The following FOXP1 variants were observed in gnomAD, a reference collection of about 807,000 sequenced individuals.
The protein encoded by FOXP1 is forkhead box P1, also known as forkhead box protein P1.
Under a neutral mutation model 98.2 loss-of-function variants are expected in FOXP1, and 15 were observed. The ratio of observed to expected loss-of-function variants is 0.15; its 90% CI spans 0.10 to 0.24. The LOEUF is 0.24. Ranked by LOEUF, FOXP1 falls within the 10% of genes least tolerant of loss-of-function variation. The probability of loss-of-function intolerance (pLI) is 1.00; values close to 1 mark genes in which losing one functional copy is unlikely to be tolerated. For missense variants in FOXP1, 633 were observed against 848.5 expected, an observed-to-expected ratio of 0.75 and a Z score of 3.15; for synonymous variants, 371 against 314.5, an observed-to-expected ratio of 1.18 and a Z score of -1.90.
chr3:71,332,916 A>G (rs71298382), intron 4 of FOXP1: 2,946 of 152,374 alleles, frequency 0.019, 46 homozygotes, highest in Non-Finnish European at 0.03. Context: ...AGTATTGCCA[A>G]TAAGTACTAA....
intron 11 of FOXP1, among the ~76,000 whole-genome samples, chr3:71,019,428 T>A (rs1432183256): frequency 6.6e-6 from 1 of 152,226 alleles, no homozygotes; most frequent in African/African-American, 2.4e-5. Flanking sequence ...TCTAAAACTT[T>A]AGGGTCAATT....
intron 5 of FOXP1, among the ~76,000 whole-genome samples, chr3:71,284,214 T>C (rs2071864279): frequency 6.6e-6 from 1 of 152,134 alleles, no homozygotes; most frequent in Admixed American, 6.6e-5. Flanking sequence ...AAGAATTACA[T>C]AACTGTTCTT....
chr3:71,340,629 A>G (rs1465161712), intron 4 of FOXP1, among the ~76,000 whole-genome samples: 2 of 152,178 alleles, frequency 1.3e-5, no homozygotes, highest in African/African-American at 4.8e-5. Context: ...AGTGGAGACG[A>G]AACAATGATC....
chr3:71,237,672 C>A (rs1242665066), intron 5 of FOXP1, among the ~76,000 whole-genome samples: 6 of 152,236 alleles, frequency 3.9e-5, no homozygotes, highest in African/African-American at 1.4e-4. Flanking sequence ...CTACTGCTTT[C>A]TCTACATGTG....
intron 12 of FOXP1, among the ~76,000 whole-genome samples, chr3:71,014,273 T>C (rs2044113031): frequency 6.6e-6 from 1 of 152,118 alleles, no homozygotes; most frequent in African/African-American, 2.4e-5. Flanking sequence ...AGGGCTAATC[T>C]ACAAAGAACT....
chr3:71,334,601 T>G (rs981352528), intron 4 of FOXP1: 3 of 152,138 alleles, frequency 2.0e-5, no homozygotes, highest in Admixed American at 2.0e-4. Context: ...TCTAATAAAA[T>G]TACTGGACTT....
At chr3:71,288,975 T>C (rs1329271628) in intron 5 of FOXP1, among the ~76,000 whole-genome samples, 2 of 152,182 alleles carry the variant, frequency 1.3e-5, no homozygotes, top group Non-Finnish European at 2.9e-5. Context: ...GTCATCATCT[T>C]TTTTGACCAC....
intron 3 of FOXP1, among the ~76,000 whole-genome samples, chr3:71,438,602 G>C (rs770556328): frequency 1.3e-5 from 2 of 152,044 alleles, no homozygotes; most frequent in Non-Finnish European, 2.9e-5. Context: ...CATTGAGACT[G>C]CCTCTCCCTT....
At chr3:70,960,421 C>G (rs1207334040) in intron 20 of FOXP1, among the ~76,000 whole-genome samples, 1 of 152,186 alleles carries the variant, frequency 6.6e-6, no homozygotes, top group African/African-American at 2.4e-5. Context: ...ATGGTTCACC[C>G]AAAGGGGACT....
At chr3:71,374,963 A>G (rs2079612954) in intron 3 of FOXP1, among the ~76,000 whole-genome samples, 1 of 152,114 alleles carries the variant, frequency 6.6e-6, no homozygotes, top group Non-Finnish European at 1.5e-5. Flanking sequence ...CTGGCCTTTC[A>G]CTCTATAGCA....
Position 71,041,467 on chromosome 3 carries a change from T to G in FOXP1, c.730A>C (p.Thr244Pro). Residue 244 changes from threonine to proline, a missense_variant, in exon 11 of 21, where the codon ACC (threonine) becomes CCC (proline). Around this residue, in one of 6 missense-constraint regions of FOXP1, gnomAD observed 210 missense variants for 270.6 expected, o/e 0.78. Transcript: ENST00000649528. ...EVTSAHTAEE[T>P]TGNNHSSLDL... is the part of the protein sequence containing the mutation. ...AAACTGCTGTGATTGTTGCCTGTGG[T>G]TTCTTCTGCAGTATGAGCACTTGTC... The G allele has an allele frequency of 3.1e-6, 5 of 1,613,850 alleles. No individual in the cohort carries two copies. Among genetic ancestry groups the G allele is most frequent in the Non-Finnish European group, 4.2e-6 (5 of 1,179,826 alleles).
intron 6 of FOXP1, among the ~76,000 whole-genome samples, chr3:71,159,670 T>C (rs2061035350): frequency 6.6e-6 from 1 of 152,266 alleles, no homozygotes; most frequent in East Asian, 1.9e-4. Flanking sequence ...GTCCTTTCTA[T>C]GATATTTCAA....
intron 3 of FOXP1, among the ~76,000 whole-genome samples, chr3:71,395,789 G>A (rs900161341): frequency 2.6e-5 from 4 of 151,602 alleles, no homozygotes; most frequent in Non-Finnish European, 2.9e-5. Context: ...ACATCATATC[G>A]GTCTCCAATA....
At chr3:71,034,320 G>A in intron 11 of FOXP1, among the ~76,000 whole-genome samples, 1 of 152,076 alleles carries the variant, frequency 6.6e-6, no homozygotes, top group East Asian at 1.9e-4. Flanking sequence ...CTGTAGTGAA[G>A]GTGGTCTGGG....
chr3:71,583,628 C>T lies in FOXP1; in HGVS notation c.-504G>A. 2.0e-6 allele frequency: 2 copies of T among 983,862 alleles called. No homozygotes were observed. The highest frequency in any genetic ancestry group is 2.4e-6 in the Non-Finnish European group (2 of 829,496). The allele number at this position is 983,862 out of a possible 1,614,324, so 60.9% of individuals were successfully genotyped here. Reference sequence around the variant, plus strand: ...GTGTTTTCGGGCCTTTCCCCGCGCGCGCCCACTCCCGCCCGCGCGCGCACC... The same window carrying T: ...GTGTTTTCGGGCCTTTCCCCGCGCGTGCCCACTCCCGCCCGCGCGCGCACC... On this transcript the variant is annotated 5_prime_UTR_variant, in exon 1 of 21. Coordinates refer to ENST00000649528, the MANE Select transcript of FOXP1 (RefSeq NM_001349338.3).
intron 3 of FOXP1, among the ~76,000 whole-genome samples, chr3:71,452,620 A>T (rs1253018073): frequency 1.3e-5 from 2 of 152,228 alleles, no homozygotes; most frequent in Non-Finnish European, 1.5e-5. Flanking sequence ...GACAAGGCAT[A>T]CATTTTTTTA....
chr3:71,401,190 T>A lies in FOXP1; in HGVS notation c.-167-41946A>T, dbSNP rs2081938289. 2.0e-5 allele frequency among the ~76,000 whole-genome samples: 3 copies of A among 152,346 alleles called. No homozygotes were observed. In the South Asian group the frequency reaches 6.2e-4, roughly 32 times the overall value. ...ATCAACATTATCTTTATTTATCAAC[T>A]CCCCTGCACATTGCCCCCTGGGTAC... On this transcript the variant is annotated intron_variant, in intron 3 of 20. Transcript: ENST00000649528.
At chr3:71,508,601 T>C (rs1025889168) in intron 2 of FOXP1, among the ~76,000 whole-genome samples, 2 of 152,234 alleles carry the variant, frequency 1.3e-5, no homozygotes, top group African/African-American at 2.4e-5. Context: ...GTGATACTCA[T>C]TGTTTTACGA....
chr3:71,567,225 A>G (rs1324944064), intron 2 of FOXP1, among the ~76,000 whole-genome samples: 1 of 152,174 alleles, frequency 6.6e-6, no homozygotes, highest in Non-Finnish European at 1.5e-5. Flanking sequence ...CAGGTAACAG[A>G]AACAATTCTC....
Sources: gnomAD v4.1 joint callset for allele counts (sites outside exome capture counted in the v4.1 genomes callset) on GRCh38, gnomAD v4.1.1 for gene constraint, gnomAD v4.1.1 regional missense constraint, MANE v1.5 for transcripts, NCBI Gene and HGNC (gene_info 2026-07-23, HGNC 2026-07-21) for gene names.